DCAF10: variants seen among roughly 807,000 people sequenced by gnomAD.
DCAF10 encodes DDB1 and CUL4 associated factor 10, also known as DDB1- and CUL4-associated factor 10.
Under a neutral mutation model 51.9 loss-of-function variants are expected in DCAF10, and 19 were observed. The ratio of observed to expected loss-of-function variants is 0.37; its 90% CI spans 0.26 to 0.54. The LOEUF (loss-of-function observed/expected upper bound fraction) is 0.54. Ranked by LOEUF, DCAF10 falls within the 20% of genes least tolerant of loss-of-function variation. The pLI is 0.87. For missense variants in DCAF10, 510 were observed against 730.6 expected (o/e 0.70, Z 3.48); for synonymous variants, 291 against 297.1 (o/e 0.98, Z 0.21).
At chr9:37,821,991 A>G (rs1829716542) in intron 2 of DCAF10, among the ~76,000 whole-genome samples, 1 of 152,242 alleles carries the variant, frequency 6.6e-6, no homozygotes, top group African/African-American at 2.4e-5. Flanking sequence ...ATAATTCTTC[A>G]TATGACCAAC....
chr9:37,836,984 G>A (rs1413570646), intron 2 of DCAF10, among the ~76,000 whole-genome samples: 1 of 152,002 alleles, frequency 6.6e-6, no homozygotes, highest in Non-Finnish European at 1.5e-5. Context: ...CCTCTTCTTG[G>A]AGCCCAGAAC....
At chr9:37,811,947 G>C (rs984378132) in intron 1 of DCAF10, among the ~76,000 whole-genome samples, 1 of 152,192 alleles carries the variant, frequency 6.6e-6, no homozygotes, top group African/African-American at 2.4e-5. Flanking sequence ...AGCACTTATG[G>C]AGGCTGAGGT....
intron 1 of DCAF10, among the ~76,000 whole-genome samples, chr9:37,816,659 G>GGGGGGGGTGTGTGTGTGTGTGTGTGT (rs372664140): frequency 2.1e-4 from 30 of 144,972 alleles, no homozygotes; most frequent in Admixed American, 1.3e-3. Context: ...CTGCACCTGG[G>GGGGGGGGTGTGTGTGTGTGTGTGTGT]GTGTGTGTGT....
At chr9:37,821,090 C>CATATATATATATATATATAT (rs144524647) in intron 2 of DCAF10, among the ~76,000 whole-genome samples, 13 of 150,446 alleles carry the variant, frequency 8.6e-5, no homozygotes, top group African/African-American at 3.2e-4. Context: ...CATATACAAA[C>CATATATATATATATATATAT]ATATATATAT....
upstream of DCAF10, chr9:37,800,725 C>T (rs1385187673): frequency 3.3e-6 from 5 of 1,535,104 alleles, no homozygotes; most frequent in East Asian, 2.4e-5. Context: ...TCCCGGTCCC[C>T]GGCGGACGGT....
chr9:37,852,001 G>A (rs1490061562), intron 3 of DCAF10, among the ~76,000 whole-genome samples: 1 of 152,056 alleles, frequency 6.6e-6, no homozygotes, highest in East Asian at 1.9e-4. Context: ...AATAATGACT[G>A]AGAAACTTTC....
At chr9:37,836,414 C>T in intron 2 of DCAF10, 1 of 1,581,486 alleles carries the variant, frequency 6.3e-7, no homozygotes, top group South Asian at 1.1e-5. Flanking sequence ...TCAGGGAGGC[C>T]ATTTTTGCCT....
chr9:37,823,876 CTT>C (rs1193191524), intron 2 of DCAF10, among the ~76,000 whole-genome samples: 4 of 120,752 alleles, frequency 3.3e-5, no homozygotes, highest in Non-Finnish European at 6.9e-5. Context: ...TAGAGCACAT[CTT>C]TTTTTTTTTT....
At chr9:37,816,179 G>A (rs1829525477) in intron 1 of DCAF10, among the ~76,000 whole-genome samples, 1 of 152,204 alleles carries the variant, frequency 6.6e-6, no homozygotes, top group Non-Finnish European at 1.5e-5. Context: ...GTAGGCATGG[G>A]CCATATGGAG....
chr9:37,807,653 CTTTTCTTTTT>C lies in DCAF10; in HGVS notation c.539+6253_539+6262del, dbSNP rs374210633. Among the ~76,000 whole-genome samples the C allele has an allele frequency of 7.5e-3, 842 of 111,748 alleles. 5 individuals carry two copies. The highest frequency in any genetic ancestry group is 0.026 in the African/African-American group (810 of 31,012). The allele number at this position is 111,748 out of a possible 152,430, so 73.3% of individuals were successfully genotyped here. On this transcript the variant is annotated intron_variant, in intron 1 of 6. Coordinates refer to ENST00000377724, the MANE Select transcript of DCAF10 (RefSeq NM_024345.5). ...TTATATTACCACTGAATTTTCTTTT[CTTTTCTTTTT>C]TTTTTTTTTTTTTTTTGAGACAGAG...
chr9:37,835,686 TGA>T (rs1830141626), intron 2 of DCAF10, among the ~76,000 whole-genome samples: 1 of 151,910 alleles, frequency 6.6e-6, no homozygotes, highest in African/African-American at 2.4e-5. Context: ...TGCAGAGAGC[TGA>T]GAGTCACGCC....
At chr9:37,848,542 A>T (rs1382305800) in intron 3 of DCAF10, among the ~76,000 whole-genome samples, 2 of 152,174 alleles carry the variant, frequency 1.3e-5, no homozygotes, top group Non-Finnish European at 1.5e-5. Context: ...CAGAAAGTTG[A>T]TTAGTGGTTG....
At chr9:37,839,240 T>G (rs1830263338) in intron 2 of DCAF10, among the ~76,000 whole-genome samples, 1 of 151,826 alleles carries the variant, frequency 6.6e-6, no homozygotes, top group Admixed American at 6.6e-5. Flanking sequence ...TTTTGTATTT[T>G]TAGTAGAGAC....
upstream of DCAF10, chr9:37,800,599 C>G: frequency 6.5e-7 from 1 of 1,536,114 alleles, no homozygotes; most frequent in South Asian, 1.2e-5. Flanking sequence ...AACTACAGAC[C>G]GACTCTGCCA....
chr9:37,827,395 C>G (rs1179966401), intron 2 of DCAF10, among the ~76,000 whole-genome samples: 1 of 151,852 alleles, frequency 6.6e-6, no homozygotes, highest in African/African-American at 2.4e-5. Flanking sequence ...AAAACAAAAA[C>G]AAAAAGAAAA....
intron 2 of DCAF10, chr9:37,836,349 G>A: frequency 1.9e-6 from 3 of 1,610,972 alleles, no homozygotes; most frequent in East Asian, 4.5e-5. Context: ...ACACATCAAG[G>A]AGCCAATCTG....
In DCAF10 at chr9:37,803,882, C is replaced by T. The variant is rs571286541; in HGVS notation, c.539+2477C>T. On this transcript the variant is annotated intron_variant, in intron 1 of 6. Transcript: ENST00000377724. ...AAAATTATGAATTTAATAGAGACCA[C>T]AATATAAGGAATTTGGCAATAAAAA... is the stretch of plus-strand genomic sequence containing the variant. Among the ~76,000 whole-genome samples, 32 of 150,670 alleles carry T rather than the reference C, an allele frequency of 2.1e-4. No homozygotes were observed. The South Asian group carries it at 5.3e-3, about 25-fold the overall frequency.
At chr9:37,817,415 C>A (rs1043884101) in intron 1 of DCAF10, among the ~76,000 whole-genome samples, 1 of 151,708 alleles carries the variant, frequency 6.6e-6, no homozygotes, top group African/African-American at 2.4e-5. Flanking sequence ...CAGGGCAACA[C>A]GGTGAAACCC....
chr9:37,849,382 A>G (rs1057164271), intron 3 of DCAF10, among the ~76,000 whole-genome samples: 3 of 152,206 alleles, frequency 2.0e-5, no homozygotes, highest in African/African-American at 7.2e-5. Flanking sequence ...TGTGTACTAC[A>G]TGGTCTCTGA....
Sources: gnomAD v4.1 joint callset for allele counts (sites outside exome capture counted in the v4.1 genomes callset) on GRCh38, gnomAD v4.1.1 for gene constraint, MANE v1.5 for transcripts, NCBI Gene and HGNC (gene_info 2026-07-23, HGNC 2026-07-21) for gene names.